The following SHROOM2 variants were observed in gnomAD, a reference collection of about 807,000 sequenced individuals.
SHROOM2 encodes protein Shroom2.
Under a neutral mutation model 75.9 loss-of-function variants are expected in SHROOM2, and 33 were observed. The ratio of observed to expected loss-of-function variants is 0.43; its 90% CI spans 0.33 to 0.58. The LOEUF (loss-of-function observed/expected upper bound fraction) is 0.58. SHROOM2 is among the 20% of genes least tolerant of loss of function. The pLI is 0.04. For synonymous variants in SHROOM2, 655 were observed against 663.6 expected, an observed-to-expected ratio of 0.99 and a Z score of 0.20; for missense variants, 1,434 against 1,461.2, an observed-to-expected ratio of 0.98 and a Z score of 0.30.
Position 9,948,613 on chromosome X carries a change from G to A in SHROOM2, c.*1676G>A, listed in dbSNP as rs1028377571. ...CCAGAGGGGCCGTGTTGACGGTAAT[G>A]CATTCTCTATAGAGCCAAGTCCAAA... is the stretch of plus-strand genomic sequence containing the variant. On this transcript the variant is annotated 3_prime_UTR_variant, in exon 10 of 10. Coordinates refer to ENST00000380913, the MANE Select transcript of SHROOM2 (RefSeq NM_001649.4). 3 of 113,554 alleles carry A rather than the reference G, an allele frequency of 2.6e-5. No individual in the cohort carries two copies. Among genetic ancestry groups the A allele is most frequent in the African/African-American group, 9.6e-5 (3 of 31,182 alleles). 9.4% of individuals were successfully genotyped at this position (113,554 alleles called of 1,213,427 possible).
chrX:9,922,896 G>A (rs895837433), intron 5 of SHROOM2, among the ~76,000 whole-genome samples: 15 of 111,623 alleles, frequency 1.3e-4, no homozygotes, highest in African/African-American at 3.6e-4. Context: ...GATGAGGGAC[G>A]TGTGTGTGTT....
chrX:9,823,757 T>TC (rs1569142504), intron 1 of SHROOM2, among the ~76,000 whole-genome samples: 1 of 31,486 alleles, frequency 3.2e-5, no homozygotes, highest in Admixed American at 5.3e-4. Context: ...TTCTTTTTTC[T>TC]TTTTTCTTTT....
At chrX:9,943,277 CCT>C (rs1219095110) in intron 8 of SHROOM2, among the ~76,000 whole-genome samples, 2 of 110,722 alleles carry the variant, frequency 1.8e-5, no homozygotes, top group African/African-American at 6.6e-5. Context: ...GAGGGAAAGA[CCT>C]CACGCAATCA....
chrX:9,924,809 C>G (rs759973006), intron 5 of SHROOM2, among the ~76,000 whole-genome samples: 38 of 111,600 alleles, frequency 3.4e-4, no homozygotes, highest in African/African-American at 1.2e-3. Flanking sequence ...GCATGCATCA[C>G]CATACCTGGC....
At chrX:9,824,092 T>C (rs974409015) in intron 1 of SHROOM2, among the ~76,000 whole-genome samples, 9 of 110,806 alleles carry the variant, frequency 8.1e-5, no homozygotes, top group Admixed American at 1.9e-4. Flanking sequence ...GAGGCTCGTT[T>C]ACATTCCAGG....
intron 1 of SHROOM2, among the ~76,000 whole-genome samples, chrX:9,850,576 C>T (rs979625308): frequency 2.7e-5 from 3 of 111,471 alleles, no homozygotes; most frequent in African/African-American, 6.5e-5. Context: ...TGGTGGTGCA[C>T]GCCTGTAATC....
At chrX:9,922,394 A>ACGACCCTTCATTCAGGGTC (rs1569170618) in intron 5 of SHROOM2, among the ~76,000 whole-genome samples, 2 of 110,973 alleles carry the variant, frequency 1.8e-5, no homozygotes, top group African/African-American at 6.6e-5. Context: ...TAATCAAAAC[A>ACGACCCTTCATTCAGGGTC]GTAAGTTCCA....
chrX:9,829,427 T>C (rs1192253593), intron 1 of SHROOM2, among the ~76,000 whole-genome samples: 1 of 112,048 alleles, frequency 8.9e-6, no homozygotes, highest in African/African-American at 3.2e-5. Context: ...GTGTGATTGC[T>C]TTGTTGGCTA....
chrX:9,829,950 AT>A lies in SHROOM2; in HGVS notation c.165+43245del, dbSNP rs777555937. On this transcript the variant is annotated intron_variant, in intron 1 of 9. Transcript: ENST00000380913. ...AGAGCATTTTGGCCCAGTTTTTTTT[AT>A]TTTTATTTTTATTTTTTAAGAATCA... 8.3e-3 allele frequency among the ~76,000 whole-genome samples: 218 copies of A among 26,208 alleles called. 2 individuals are homozygous for A. Among genetic ancestry groups the A allele is most frequent in the African/African-American group, 0.032 (181 of 5,573 alleles). 22.8% of individuals were successfully genotyped at this position (26,208 alleles called of 115,157 possible). A position where few individuals can be genotyped will look rare whatever the true frequency, so the allele number is the denominator to read the frequency against.
Position 9,894,457 on chromosome X carries a change from C to A in SHROOM2, c.549C>A (p.His183Gln), listed in dbSNP as rs2084311923. The A allele has an allele frequency of 8.3e-7, 1 of 1,211,498 alleles. No homozygotes were observed. Among genetic ancestry groups the A allele is most frequent in the Non-Finnish European group, 1.1e-6 (1 of 895,386 alleles). The change falls in exon 4 of 10, where the codon CAC becomes CAA. Residue 183 changes from histidine to glutamine, a missense_variant. Transcript: ENST00000380913. ...TGGGGAGCGTTGACAGCCTGGACCA[C>A]CCCTCCAGTCGCCTCTCGGTGGCCA... ...SSLGSVDSLD[H>Q]PSSRLSVAKS...
At position 9,894,623 on chromosome X, in the gene SHROOM2, G is replaced by A; in HGVS notation, c.715G>A (p.Val239Met). The change falls in exon 4 of 10, where the codon GTG becomes ATG. Residue 239 changes from valine to methionine, a missense_variant. Physicochemically the swap from Val to Met is conservative, Grantham distance 21. Around this residue, in one of 3 missense-constraint regions of SHROOM2, gnomAD observed 1,340 missense variants for 1,338.3 expected, o/e 1.00. Coordinates refer to ENST00000380913, the MANE Select transcript of SHROOM2 (RefSeq NM_001649.4). The part of the protein sequence containing the change: ...TSSAENILYT[V>M]GLWEAPRQGG... ...CTCCGCAGAGAACATCCTCTACACT[G>A]TGGGCCTCTGGGAGGCTCCCAGGCA... 8.3e-7 allele frequency: 1 copy of A among 1,212,019 alleles called. No individual in the cohort carries two copies. Among genetic ancestry groups the A allele is most frequent in the Non-Finnish European group, 1.1e-6 (1 of 895,543 alleles).
chrX:9,931,984 C>A (rs2084652267), intron 5 of SHROOM2, among the ~76,000 whole-genome samples, 191 bp from the exon 6 acceptor site: 1 of 110,349 alleles, frequency 9.1e-6, no homozygotes, highest in Non-Finnish European at 1.9e-5. Context: ...TCGACAGCCT[C>A]ATGTTGTCTG....
At chrX:9,859,728 G>A (rs761183663) in intron 1 of SHROOM2, among the ~76,000 whole-genome samples, 15 of 111,893 alleles carry the variant, frequency 1.3e-4, no homozygotes, top group Admixed American at 1.1e-3. Flanking sequence ...TTGCGGGTGT[G>A]TGATGTTTGG....
Position 9,932,920 on chromosome X carries a change from C to T in SHROOM2, c.3587+50C>T, listed in dbSNP as rs746405866. On this transcript the variant is annotated intron_variant, in intron 6 of 9. Transcript: ENST00000380913. ...TCCCCATGAGGCTCCTAATGTGGGACGCGGGTTCTCAGTGGGTCTTTCTGG... is the reference window on the plus strand; with the variant it reads ...TCCCCATGAGGCTCCTAATGTGGGATGCGGGTTCTCAGTGGGTCTTTCTGG... 23 of 1,055,729 alleles carry T rather than the reference C, an allele frequency of 2.2e-5. No homozygotes were observed. In the African/African-American group the frequency reaches 2.8e-4, roughly 13 times the overall value. The allele number at this position is 1,055,729 out of a possible 1,213,427, so 87.0% of individuals were successfully genotyped here. A position where few individuals can be genotyped will look rare whatever the true frequency, so the allele number is the denominator to read the frequency against.
chrX:9,818,935 A>T (rs1174592109), intron 1 of SHROOM2: 7 of 561,713 alleles, frequency 1.2e-5, no homozygotes, highest in Non-Finnish European at 2.2e-5. Flanking sequence ...CTCTTCTTCC[A>T]CTGTATGTGG....
chrX:9,857,066 G>T (rs1161763251), intron 1 of SHROOM2, among the ~76,000 whole-genome samples: 1 of 112,274 alleles, frequency 8.9e-6, no homozygotes, highest in Non-Finnish European at 1.9e-5. Flanking sequence ...CCTGGAGAAC[G>T]TGGGACTTGA....
intron 1 of SHROOM2, among the ~76,000 whole-genome samples, chrX:9,854,334 A>G (rs147938283): frequency 1.4e-4 from 16 of 111,366 alleles, no homozygotes; most frequent in Middle Eastern, 4.6e-3. Context: ...TGCCTTGTCT[A>G]TAAAGGGGAG....
At chrX:9,890,621 G>A (rs1379578465) in intron 2 of SHROOM2, among the ~76,000 whole-genome samples, 1 of 112,549 alleles carries the variant, frequency 8.9e-6, no homozygotes, top group African/African-American at 3.2e-5. Flanking sequence ...GCTCGAGCGC[G>A]CACGCGCTGC....
chrX:9,848,829 A>G (rs2084022698), intron 1 of SHROOM2, among the ~76,000 whole-genome samples: 1 of 111,348 alleles, frequency 9.0e-6, no homozygotes, highest in Non-Finnish European at 1.9e-5. Flanking sequence ...TGTGCTGAGA[A>G]CCAGCTGGTG....
Sources: gnomAD v4.1 joint callset for allele counts (sites outside exome capture counted in the v4.1 genomes callset) on GRCh38, gnomAD v4.1.1 for gene constraint, gnomAD v4.1.1 regional missense constraint, MANE v1.5 for transcripts, NCBI Gene and HGNC (gene_info 2026-07-23, HGNC 2026-07-21) for gene names.